Variants in PABPC4L observed in about 807,000 individuals in gnomAD.
PABPC4L encodes poly(A) binding protein cytoplasmic 4 like.
For synonymous variants in PABPC4L, 169 were observed against 164.1 expected, an observed-to-expected ratio of 1.03 and a Z score of -0.23; for missense variants, 452 against 451.4, an observed-to-expected ratio of 1.00 and a Z score of -0.01.
At chr4:134,174,934 G>A in the PABPC4L span, among the ~76,000 whole-genome samples, 1 of 151,934 alleles carries the variant, frequency 6.6e-6, no homozygotes, top group Non-Finnish European at 1.5e-5. Context: ...AATTTTTCAT[G>A]TTTCCTACGT....
At chr4:134,043,628 C>T in the PABPC4L span, among the ~76,000 whole-genome samples, 2 of 151,808 alleles carry the variant, frequency 1.3e-5, no homozygotes, top group Non-Finnish European at 2.9e-5. Flanking sequence ...GTATTACAGC[C>T]AGAAAATACT....
At chr4:134,048,943 G>A in the PABPC4L span, among the ~76,000 whole-genome samples, 1 of 151,954 alleles carries the variant, frequency 6.6e-6, no homozygotes, top group Non-Finnish European at 1.5e-5. Flanking sequence ...GTTAGTAATT[G>A]TGTAAAAATA....
the PABPC4L span, among the ~76,000 whole-genome samples, chr4:134,143,158 TG>T: frequency 6.6e-6 from 1 of 151,286 alleles, no homozygotes; most frequent in East Asian, 1.9e-4. Context: ...CCTCAGAGTT[TG>T]TATGACAAGC....
At chr4:134,102,484 T>A in the PABPC4L span, among the ~76,000 whole-genome samples, 2 of 151,598 alleles carry the variant, frequency 1.3e-5, no homozygotes, top group African/African-American at 4.8e-5. Context: ...AATTATAATG[T>A]TTAAAAAGTT....
chr4:134,151,990 AT>A, the PABPC4L span, among the ~76,000 whole-genome samples: 1 of 151,840 alleles, frequency 6.6e-6, no homozygotes, highest in Non-Finnish European at 1.5e-5. Flanking sequence ...GTCCATATCA[AT>A]TTAGATATTA....
At chr4:133,963,252 T>A in the PABPC4L span, among the ~76,000 whole-genome samples, 1 of 152,140 alleles carries the variant, frequency 6.6e-6, no homozygotes, top group Non-Finnish European at 1.5e-5. Flanking sequence ...AAGAATGACA[T>A]TATATAATGG....
the PABPC4L span, among the ~76,000 whole-genome samples, chr4:134,133,903 T>C: frequency 6.6e-6 from 1 of 152,066 alleles, no homozygotes; most frequent in East Asian, 1.9e-4. Flanking sequence ...ATTTTAGTTG[T>C]GCTTTTTATT....
At chr4:133,974,925 G>GA in the PABPC4L span, among the ~76,000 whole-genome samples, 15 of 152,028 alleles carry the variant, frequency 9.9e-5, no homozygotes, top group South Asian at 3.1e-3. Flanking sequence ...AGCCTCTTTG[G>GA]AAAAAAAGTT....
At chr4:134,195,817 T>G (rs1427883466), downstream of PABPC4L, among the ~76,000 whole-genome samples, 1 of 151,640 alleles carries the variant, frequency 6.6e-6, no homozygotes, top group African/African-American at 2.4e-5. Context: ...ACCTGCAAAA[T>G]AATCTGACTT....
chr4:134,090,300 A>G, the PABPC4L span, among the ~76,000 whole-genome samples: 4 of 152,132 alleles, frequency 2.6e-5, no homozygotes, highest in Admixed American at 2.0e-4. Context: ...TTTTATACTC[A>G]GTTTATAGAA....
the PABPC4L span, among the ~76,000 whole-genome samples, chr4:134,171,590 A>T: frequency 2.6e-5 from 4 of 152,308 alleles, no homozygotes; most frequent in Admixed American, 2.6e-4. Flanking sequence ...AGCTGGAAGC[A>T]TTCCCCTTAG....
the PABPC4L span, among the ~76,000 whole-genome samples, chr4:133,972,885 T>G: frequency 6.6e-6 from 1 of 152,268 alleles, no homozygotes. Context: ...TAAGAGATAC[T>G]ATACAGCACT....
the PABPC4L span, among the ~76,000 whole-genome samples, chr4:134,092,660 G>A: frequency 1.3e-5 from 2 of 151,956 alleles, no homozygotes; most frequent in Admixed American, 1.3e-4. Flanking sequence ...ACTGCTGTGG[G>A]CCAGTACAAG....
the PABPC4L span, among the ~76,000 whole-genome samples, chr4:134,011,564 G>A: frequency 2.6e-5 from 4 of 151,982 alleles, no homozygotes; most frequent in Admixed American, 2.6e-4. Context: ...GTAGTAGATA[G>A]TTTCTTAATA....
chr4:134,189,087 C>T, the PABPC4L span, among the ~76,000 whole-genome samples: 1 of 152,028 alleles, frequency 6.6e-6, no homozygotes, highest in East Asian at 1.9e-4. Flanking sequence ...ATGAGGCCAT[C>T]AAAGGCATTC....
At chr4:134,039,444 T>C in the PABPC4L span, among the ~76,000 whole-genome samples, 3 of 151,938 alleles carry the variant, frequency 2.0e-5, no homozygotes, top group Non-Finnish European at 4.4e-5. Flanking sequence ...TAGTATTATT[T>C]TGTGGGAGTC....
At chr4:133,964,145 A>T in the PABPC4L span, among the ~76,000 whole-genome samples, 1 of 152,150 alleles carries the variant, frequency 6.6e-6, no homozygotes, top group African/African-American at 2.4e-5. Flanking sequence ...AGATATTACA[A>T]CTGACACCAC....
In PABPC4L at chr4:134,200,738, T is replaced by A; in HGVS notation, c.282A>T (p.Arg94Ser). Residue 94 changes from arginine (R) to serine (S), a missense_variant, in exon 2 of 2, where the codon AGA becomes AGT. Transcript: ENST00000421491. ...TGATGAATACGTTCCCAATTCCAGA[T>A]CTCCTCAAGTAGGCATCGCGCTGAG... The part of the protein sequence containing the change: ...MWSQRDAYLR[R>S]SGIGNVFIKN... 2.6e-6 allele frequency: 4 copies of A among 1,551,682 alleles called. No homozygotes were observed. Among genetic ancestry groups the A allele is most frequent in the Non-Finnish European group, 3.5e-6 (4 of 1,146,984 alleles).
chr4:133,970,113 A>AT, the PABPC4L span, among the ~76,000 whole-genome samples: 29 of 147,836 alleles, frequency 2.0e-4, no homozygotes, highest in Non-Finnish European at 3.3e-4. Context: ...ATTTATATAA[A>AT]ATATATATAT....
Sources: allele counts gnomAD v4.1 joint callset (sites outside exome capture counted in the v4.1 genomes callset), GRCh38; gene constraint gnomAD v4.1.1; transcripts MANE v1.5; gene names NCBI Gene and HGNC (gene_info 2026-07-23, HGNC 2026-07-21).